Variants in PCDHA2 observed in about 807,000 individuals in gnomAD.
PCDHA2 encodes protocadherin alpha-2.
In PCDHA2, 58 loss-of-function variants were observed where a neutral mutation model predicts 66.0. That is an observed-to-expected ratio of 0.88 (90% CI 0.71 to 1.09). PCDHA2 has a LOEUF of 1.09. Ranked by LOEUF, PCDHA2 falls within the 50% of genes least tolerant of loss-of-function variation. The pLI is 0.00. For missense variants in PCDHA2, 1,267 were observed against 1,242.3 expected, an observed-to-expected ratio of 1.02 and a Z score of -0.30; for synonymous variants, 634 against 554.0, an observed-to-expected ratio of 1.14 and a Z score of -2.03.
chr5:140,803,574 G>A (rs1306203317), intron 1 of PCDHA2: 4 of 1,614,106 alleles, frequency 2.5e-6, no homozygotes, highest in African/African-American at 2.7e-5. Flanking sequence ...GGATGTGGAC[G>A]TTGATCTCTC....
chr5:140,836,286 C>G lies in PCDHA2; in HGVS notation c.2388+38934C>G, dbSNP rs146878440. 2.7e-4 allele frequency: 429 copies of G among 1,613,656 alleles called. 1 individual carries two copies. Among genetic ancestry groups the G allele is most frequent in the Non-Finnish European group, 5.8e-5 (68 of 1,179,818 alleles). ...GTACACTGGTGAGATCAGCACGACACGAGCCCTAGATGAGACGGACGCACC... is the reference window on the plus strand; with the variant it reads ...GTACACTGGTGAGATCAGCACGACAGGAGCCCTAGATGAGACGGACGCACC... On this transcript the variant is annotated intron_variant, in intron 1 of 3. Coordinates refer to ENST00000526136, the MANE Select transcript of PCDHA2 (RefSeq NM_018905.3).
chr5:140,982,380 C>G, intron 2 of PCDHA2, 95 bp from the exon 3 acceptor site: 1 of 1,577,206 alleles, frequency 6.3e-7, no homozygotes, highest in Non-Finnish European at 8.6e-7. Flanking sequence ...AGCTGCAGCC[C>G]TGGCTTCATA....
chr5:140,977,266 A>G (rs2096753154), intron 1 of PCDHA2, among the ~76,000 whole-genome samples: 3 of 152,240 alleles, frequency 2.0e-5, no homozygotes, highest in Admixed American at 1.3e-4. Context: ...CAGATGTTAC[A>G]GTCTTTCTCA....
At chr5:141,007,328 A>G (rs1018961755) in intron 3 of PCDHA2, among the ~76,000 whole-genome samples, 1 of 149,092 alleles carries the variant, frequency 6.7e-6, no homozygotes, top group African/African-American at 2.5e-5. Context: ...AAGTGGACAG[A>G]TTGCCTGAGC....
In PCDHA2 at chr5:140,796,507, G is replaced by C. The variant is rs782557093; in HGVS notation, c.1543G>C (p.Gly515Arg). The change falls in exon 1 of 4, where the codon GGC becomes CGC. Residue 515 changes from glycine (G) to arginine (R), a missense_variant. Transcript: ENST00000526136. ...SSYVSVHAES[G>R]KVYALQPLDH... ...CTACGTTTCGGTGCACGCGGAGAGC[G>C]GCAAGGTGTACGCGCTGCAGCCGCT... is the stretch of plus-strand genomic sequence containing the variant. 4 of 1,612,268 alleles carry C rather than the reference G, an allele frequency of 2.5e-6. No individual in the cohort carries two copies. Among genetic ancestry groups the C allele is most frequent in the East Asian group, 2.2e-5 (1 of 44,888 alleles).
chr5:141,004,619 G>C (rs1004302739), intron 3 of PCDHA2, among the ~76,000 whole-genome samples: 9 of 152,136 alleles, frequency 5.9e-5, no homozygotes, highest in Non-Finnish European at 1.0e-4. Context: ...GCAGAGTCCT[G>C]GTTATGGTTG....
chr5:140,844,634 A>G (rs1352743996), intron 1 of PCDHA2, among the ~76,000 whole-genome samples: 1 of 149,578 alleles, frequency 6.7e-6, no homozygotes, highest in Non-Finnish European at 1.5e-5. Flanking sequence ...AAAACTATAC[A>G]TGATAATTTC....
chr5:140,825,720 C>G (rs1554130338), intron 1 of PCDHA2: 1 of 152,170 alleles, frequency 6.6e-6, no homozygotes, highest in Non-Finnish European at 1.5e-5. Context: ...TCGCGCCTGG[C>G]CTAAATTATT....
intron 1 of PCDHA2, among the ~76,000 whole-genome samples, chr5:140,907,240 A>G (rs563432322): frequency 5.3e-5 from 8 of 152,310 alleles, no homozygotes; most frequent in Admixed American, 5.2e-4. Context: ...CCTAGTTGAC[A>G]TTGTAATTGT....
At chr5:140,803,528 TC>T (rs1581662345) in intron 1 of PCDHA2, 1 of 1,614,204 alleles carries the variant, frequency 6.2e-7, no homozygotes, top group East Asian at 2.2e-5. Flanking sequence ...CTAGCCTTCC[TC>T]CTTGTCCAAT....
intron 1 of PCDHA2, chr5:140,884,047 G>A: frequency 1.9e-6 from 3 of 1,613,390 alleles, no homozygotes; most frequent in East Asian, 2.2e-5. Flanking sequence ...TGGTGGCGAA[G>A]GTGCGCGCGG....
chr5:140,858,149 G>T, intron 1 of PCDHA2: 1 of 1,597,572 alleles, frequency 6.3e-7, no homozygotes, highest in Non-Finnish European at 8.6e-7. Flanking sequence ...CCTGATCATC[G>T]CCATCTGCGC....
chr5:140,870,551 C>G (rs1554164401), intron 1 of PCDHA2: 11 of 1,614,022 alleles, frequency 6.8e-6, no homozygotes, highest in African/African-American at 1.3e-5. Flanking sequence ...GACGCGGACG[C>G]GCAGGAGAAC....
At chr5:140,954,834 G>A (rs879960376) in intron 1 of PCDHA2, among the ~76,000 whole-genome samples, 1 of 152,154 alleles carries the variant, frequency 6.6e-6, no homozygotes, top group African/African-American at 2.4e-5. Context: ...CTTTTGTCAT[G>A]AAATCTTTGC....
intron 1 of PCDHA2, chr5:140,863,201 C>T (rs782647654): frequency 2.2e-5 from 20 of 925,678 alleles, no homozygotes; most frequent in South Asian, 1.0e-4. Context: ...GCGTCGCTGG[C>T]GGAGAGCAGC....
intron 1 of PCDHA2, among the ~76,000 whole-genome samples, chr5:140,891,857 C>G (rs1202628035): frequency 6.6e-6 from 1 of 152,194 alleles, no homozygotes; most frequent in Non-Finnish European, 1.5e-5. Context: ...GCCTGTCCCT[C>G]TCTTATGCTT....
chr5:140,824,555 G>A, intron 1 of PCDHA2: 1 of 172,410 alleles, frequency 5.8e-6, no homozygotes, highest in Non-Finnish European at 1.2e-5. Context: ...GGGCTCAAGT[G>A]ATCCTCCTAT....
intron 1 of PCDHA2, among the ~76,000 whole-genome samples, chr5:140,911,424 T>C (rs1180624921): frequency 6.6e-6 from 1 of 152,168 alleles, no homozygotes; most frequent in Non-Finnish European, 1.5e-5. Context: ...TAAGAACTTG[T>C]GTCCAATTTC....
At chr5:140,822,525 G>A in intron 1 of PCDHA2, 4 of 1,613,928 alleles carry the variant, frequency 2.5e-6, no homozygotes, top group Non-Finnish European at 3.4e-6. Flanking sequence ...ATGTCAGATT[G>A]TTGGAAAATG....
Sources: allele counts gnomAD v4.1 joint callset (sites outside exome capture counted in the v4.1 genomes callset), GRCh38; gene constraint gnomAD v4.1.1; transcripts MANE v1.5; gene names NCBI Gene and HGNC (gene_info 2026-07-23, HGNC 2026-07-21).